The following ANKFY1 variants were observed in gnomAD, a reference collection of about 807,000 sequenced individuals.
The protein encoded by ANKFY1 is ankyrin repeat and FYVE domain containing 1, also known as ankyrin repeat and FYVE domain-containing protein 1.
A neutral mutation model predicts 128.3 loss-of-function variants in ANKFY1; 47 were observed. The ratio of observed to expected loss-of-function variants is 0.37; its 90% CI spans 0.29 to 0.47. The LOEUF is 0.47. ANKFY1 is among the 20% of genes least tolerant of loss of function. The probability of loss-of-function intolerance (pLI) is 1.00; values close to 1 mark genes in which losing one functional copy is unlikely to be tolerated. For synonymous variants in ANKFY1, 553 were observed against 601.6 expected (o/e 0.92, Z 1.18); for missense variants, 1,222 against 1,510.6 (o/e 0.81, Z 3.17).
In ANKFY1 at chr17:4,235,857, G is replaced by A; in HGVS notation, c.237C>T (p.Ile79=). ...CTGCCAGGACAAACTTGTGAGCACT[G>A]ATGTGCCTGTCCCCAACCTTTATCT... ...DLKIKVGDRH[I]SAHKFVLAAR... The change falls in exon 3 of 25, where the codon ATC becomes ATT. Residue 79 remains isoleucine, a synonymous_variant. Coordinates refer to ENST00000341657, the MANE Select transcript of ANKFY1 (RefSeq NM_001330063.2). The A allele has an allele frequency of 6.2e-7, 1 of 1,614,102 alleles. No individual in the cohort carries two copies. Among genetic ancestry groups the A allele is most frequent in the Non-Finnish European group, 8.5e-7 (1 of 1,179,986 alleles).
At chr17:4,259,024 A>T (rs988775326) in intron 1 of ANKFY1, among the ~76,000 whole-genome samples, 1 of 152,236 alleles carries the variant, frequency 6.6e-6, no homozygotes. Context: ...ACTGTGCACC[A>T]GGGTGAAAGC....
chr17:4,164,629 T>G lies in ANKFY1; in HGVS notation c.*3150A>C, dbSNP rs1205642293. The G allele has an allele frequency of 6.6e-6, 1 of 152,244 alleles. No individual in the cohort carries two copies. 9.4% of individuals were successfully genotyped at this position (152,244 alleles called of 1,614,324 possible). A position where few individuals can be genotyped will look rare whatever the true frequency, so the allele number is the denominator to read the frequency against. ...GGTGAAGCATTACATAGTTCAAAAG[T>G]GTTCTTTTTCTCCAGATAAAAGAAA... On this transcript the variant is annotated 3_prime_UTR_variant, in exon 25 of 25. Transcript: ENST00000341657.
chr17:4,220,066 C>G lies in ANKFY1; in HGVS notation c.323-2948G>C, dbSNP rs554494365. Among the ~76,000 whole-genome samples, 75 of 152,316 alleles carry G rather than the reference C, an allele frequency of 4.9e-4. 3 individuals carry two copies. In the South Asian group the frequency reaches 0.015, roughly 30 times the overall value. On this transcript the variant is annotated intron_variant, in intron 3 of 24. Transcript: ENST00000341657. ...TCTTGAACTCCTAACCTCAGGTGATCCACCTGCTTCGGCCTCCCAAAGTGC... is the reference window on the plus strand; with the variant it reads ...TCTTGAACTCCTAACCTCAGGTGATGCACCTGCTTCGGCCTCCCAAAGTGC...
At chr17:4,263,477 CACCT>C in intron 1 of ANKFY1, 7 of 825,110 alleles carry the variant, frequency 8.5e-6, no homozygotes, top group Non-Finnish European at 1.1e-5. Context: ...CACCCCACCC[CACCT>C]CACCCCAACC....
rs576822809 is a variant in ANKFY1, at chr17:4,253,138, T to A, written c.11-10690A>T. Reference sequence around the variant, plus strand: ...TGGGAGGCTGAGGCAGGAGAATCGCTTGAACCCAGGAGGCAGAGGATGCAG... The same window carrying A: ...TGGGAGGCTGAGGCAGGAGAATCGCATGAACCCAGGAGGCAGAGGATGCAG... On this transcript the variant is annotated intron_variant, in intron 1 of 24. Transcript: ENST00000341657. 5.3e-5 allele frequency among the ~76,000 whole-genome samples: 8 copies of A among 152,164 alleles called. No homozygotes were observed. The East Asian group carries it at 7.7e-4, about 15-fold the overall frequency.
At chr17:4,194,279 T>A (rs1483934750) in intron 10 of ANKFY1, among the ~76,000 whole-genome samples, 1 of 150,786 alleles carries the variant, frequency 6.6e-6, no homozygotes, top group Admixed American at 6.6e-5. Flanking sequence ...TGATAATTTG[T>A]TTTTTCAGTA....
chr17:4,221,238 C>T (rs1482438603), intron 3 of ANKFY1, among the ~76,000 whole-genome samples: 1 of 152,186 alleles, frequency 6.6e-6, no homozygotes, highest in Non-Finnish European at 1.5e-5. Context: ...TATTTAGGGA[C>T]AGAGCCACTG....
chr17:4,169,038 T>C lies in ANKFY1; in HGVS notation c.3377+160A>G. The C allele has an allele frequency of 1.6e-6, 1 of 628,536 alleles. No homozygotes were observed. Among genetic ancestry groups the C allele is most frequent in the East Asian group, 2.8e-5 (1 of 35,648 alleles). 38.9% of individuals were successfully genotyped at this position (628,536 alleles called of 1,614,324 possible). ...CCTTCCCTACATCTCTGTTCCTCAG[T>C]AGGATCCTTGGGTGTGCTCATCTCA... On this transcript the variant is annotated intron_variant, in intron 24 of 24. Transcript: ENST00000341657. The surrounding 1 kb of genome is among the most constrained non-coding windows in gnomAD (Gnocchi z 5.0).
In ANKFY1 at chr17:4,235,812, A is replaced by T. The variant is rs1454453741; in HGVS notation, c.282T>A (p.Ser94Arg). 1.2e-6 allele frequency: 2 copies of T among 1,614,116 alleles called. No homozygotes were observed. Among genetic ancestry groups the T allele is most frequent in the Non-Finnish European group, 1.7e-6 (2 of 1,180,012 alleles). The stretch of plus-strand genomic sequence containing the variant: ...CTTTAGTGGAAGACAAGTTAGCCAG[A>T]CTCCAGCTGTCACTGCGGGCTGCCA... ...FVLAARSDSW[S>R]LANLSSTKEL... The change falls in exon 3 of 25, where the codon AGT becomes AGA. Residue 94 changes from serine to arginine, a missense_variant. By Grantham distance (110) the Ser-to-Arg change is moderately radical (BLOSUM62 -1). Transcript: ENST00000341657.
chr17:4,167,762 A>G lies in ANKFY1; in HGVS notation c.*17T>C, dbSNP rs201367881. Reference sequence around the variant, plus strand: ...GGAGGTGACCAAGGACGTGGCCTGGACCCTCCGGGGGGCTCACTAAGAAAC... The same window carrying G: ...GGAGGTGACCAAGGACGTGGCCTGGGCCCTCCGGGGGGCTCACTAAGAAAC... On this transcript the variant is annotated 3_prime_UTR_variant, in exon 25 of 25. Transcript: ENST00000341657. This position sits in a 1 kb window ranked among gnomAD's most constrained non-coding sequence, Gnocchi z 4.1. 101 of 1,609,450 alleles carry G rather than the reference A, an allele frequency of 6.3e-5. 1 individual carries two copies. The African/African-American group carries it at 1.2e-3, about 19-fold the overall frequency.
chr17:4,214,525 T>TC (rs1317622291), intron 4 of ANKFY1, among the ~76,000 whole-genome samples: 1 of 135,590 alleles, frequency 7.4e-6, no homozygotes, highest in East Asian at 2.0e-4. Context: ...AAACCTAACT[T>TC]TTTTTTTTTT....
intron 3 of ANKFY1, among the ~76,000 whole-genome samples, chr17:4,221,040 G>T (rs1040445292): frequency 1.3e-5 from 2 of 152,212 alleles, no homozygotes; most frequent in Non-Finnish European, 2.9e-5. Flanking sequence ...TTCACTGCAG[G>T]CCAGGATGCA....
chr17:4,178,773 C>G lies in ANKFY1; in HGVS notation c.2598+84G>C, dbSNP rs532732200. ...AACAAAGCTCTTTCCATGAGGAGAC[C>G]TGTTTAGTCGGTGACATCTGTCTAG... is the stretch of plus-strand genomic sequence containing the variant. On this transcript the variant is annotated intron_variant, in intron 18 of 24. Coordinates refer to ENST00000341657, the MANE Select transcript of ANKFY1 (RefSeq NM_001330063.2). The surrounding 1 kb of genome is among the most constrained non-coding windows in gnomAD (Gnocchi z 4.1). 2 of 1,328,506 alleles carry G rather than the reference C, an allele frequency of 1.5e-6. No homozygotes were observed. The highest frequency in any genetic ancestry group is 2.1e-6 in the Non-Finnish European group (2 of 935,806). 82.3% of individuals were successfully genotyped at this position (1,328,506 alleles called of 1,614,324 possible). A position where few individuals can be genotyped will look rare whatever the true frequency, so the allele number is the denominator to read the frequency against.
intron 1 of ANKFY1, among the ~76,000 whole-genome samples, chr17:4,258,467 T>G (rs2143567870): frequency 6.9e-6 from 1 of 145,858 alleles, no homozygotes; most frequent in East Asian, 2.0e-4. Context: ...GAGCTTGCAG[T>G]GAGCCGAGAT....
At chr17:4,223,434 G>A in intron 3 of ANKFY1, 1 of 1,322,608 alleles carries the variant, frequency 7.6e-7, no homozygotes, top group Non-Finnish European at 1.1e-6. Flanking sequence ...GCTAGGAACT[G>A]TATCACTGAT....
At chr17:4,205,112 A>G (rs1480820445) in intron 7 of ANKFY1, among the ~76,000 whole-genome samples, 1 of 152,212 alleles carries the variant, frequency 6.6e-6, no homozygotes, top group Admixed American at 6.5e-5. Flanking sequence ...TAGTATAACA[A>G]TGCATCATCA....
chr17:4,220,274 A>C (rs777383310), intron 3 of ANKFY1, among the ~76,000 whole-genome samples: 43 of 152,378 alleles, frequency 2.8e-4, no homozygotes, highest in Non-Finnish European at 4.4e-4. Flanking sequence ...ATTTCTAAGC[A>C]GGCTTTGTAA....
chr17:4,241,207 A>AGGTAT (rs1452101660), intron 2 of ANKFY1, among the ~76,000 whole-genome samples: 1 of 151,412 alleles, frequency 6.6e-6, no homozygotes, highest in Admixed American at 6.6e-5. Context: ...CAGGAACCTG[A>AGGTAT]GGTATGTCAT....
At chr17:4,252,245 G>C (rs1000204046) in intron 1 of ANKFY1, among the ~76,000 whole-genome samples, 1 of 152,098 alleles carries the variant, frequency 6.6e-6, no homozygotes, top group African/African-American at 2.4e-5. Context: ...CTACTAGTAT[G>C]GCTAAAATTA....
Sources: gnomAD v4.1 joint callset for allele counts (sites outside exome capture counted in the v4.1 genomes callset) on GRCh38, gnomAD v4.1.1 for gene constraint, Gnocchi (gnomAD v3.1) non-coding constraint, MANE v1.5 for transcripts, NCBI Gene and HGNC (gene_info 2026-07-23, HGNC 2026-07-21) for gene names.